Variants in SSH2 observed in about 807,000 individuals in gnomAD.
SSH2 encodes the protein slingshot protein phosphatase 2.
A neutral mutation model predicts 135.2 loss-of-function variants in SSH2; 37 were observed. That is an observed-to-expected ratio of 0.27 (90% CI 0.21 to 0.36). The LOEUF is 0.36. SSH2 is among the 10% of genes least tolerant of loss of function. SSH2 has a pLI of 1.00. For synonymous variants in SSH2, 628 were observed against 646.2 expected (o/e 0.97, Z 0.43); for missense variants, 1,408 against 1,765.3 (o/e 0.80, Z 3.63).
intron 3 of SSH2, among the ~76,000 whole-genome samples, chr17:29,780,216 C>A (rs965562377): frequency 6.6e-6 from 1 of 152,052 alleles, no homozygotes; most frequent in Non-Finnish European, 1.5e-5. Flanking sequence ...GACTCCATCT[C>A]AAACAGCAAC....
chr17:29,758,100 G>A (rs1307512872), intron 3 of SSH2, among the ~76,000 whole-genome samples: 4 of 152,012 alleles, frequency 2.6e-5, no homozygotes, highest in Non-Finnish European at 4.4e-5. Context: ...GGAAAATAGA[G>A]ACAAAAATAA....
At chr17:29,648,767 C>G (rs2036477339) in intron 13 of SSH2, among the ~76,000 whole-genome samples, 1 of 152,204 alleles carries the variant, frequency 6.6e-6, no homozygotes, top group Admixed American at 6.5e-5. Context: ...GAGGCTGAGG[C>G]AGGTGGATCA....
At chr17:29,929,775 C>G in intron 1 of SSH2, 163 bp downstream of exon 1, 1 of 633,570 alleles carries the variant, frequency 1.6e-6, no homozygotes, top group Non-Finnish European at 2.8e-6. Context: ...GTAGTTCCTG[C>G]TGCTAGTCTT....
intron 2 of SSH2, among the ~76,000 whole-genome samples, chr17:29,810,553 C>A (rs2151325608): frequency 6.6e-6 from 1 of 152,252 alleles, no homozygotes; most frequent in African/African-American, 2.4e-5. Flanking sequence ...ACTTAATTTT[C>A]TCCCCAAATA....
chr17:29,845,985 G>A (rs955967557), intron 2 of SSH2, among the ~76,000 whole-genome samples: 1 of 151,904 alleles, frequency 6.6e-6, no homozygotes, highest in African/African-American at 2.4e-5. Flanking sequence ...GACAAAATCA[G>A]TCGAAATAAT....
intron 3 of SSH2, among the ~76,000 whole-genome samples, chr17:29,735,050 C>T (rs1228053402): frequency 6.6e-6 from 1 of 152,086 alleles, no homozygotes; most frequent in South Asian, 2.1e-4. Context: ...GGGGTAAGGT[C>T]GTTAGATTCC....
At position 29,930,179 on chromosome 17, in the gene SSH2, A is replaced by G; in HGVS notation, c.-179T>C. ...CCCACCACCAGACTGTCGCCGACTG[A>G]CGCTCCGAACGGGCGGCGGGCGGGC... On this transcript the variant is annotated 5_prime_UTR_variant, in exon 1 of 16. Coordinates refer to ENST00000540801, the MANE Select transcript of SSH2 (RefSeq NM_001282129.2). 1.7e-6 allele frequency: 1 copy of G among 584,806 alleles called. No individual in the cohort carries two copies. The highest frequency in any genetic ancestry group is 2.9e-6 in the Non-Finnish European group (1 of 341,806). 36.2% of individuals were successfully genotyped at this position (584,806 alleles called of 1,614,324 possible).
intron 13 of SSH2, among the ~76,000 whole-genome samples, chr17:29,650,303 G>T (rs544466428): frequency 3.1e-4 from 47 of 152,262 alleles, no homozygotes; most frequent in African/African-American, 9.1e-4. Flanking sequence ...CTATCTATCT[G>T]AAATAATTTC....
rs548555974 is a variant in SSH2, at chr17:29,883,324, G to T, written c.64-34395C>A. ...ACATTTTCCAAATCCTATGTTAGGT[G>T]TCATTTTATTGAGTGCCCACTATGT... On this transcript the variant is annotated intron_variant, in intron 1 of 15. Coordinates refer to ENST00000540801, the MANE Select transcript of SSH2 (RefSeq NM_001282129.2). Among the ~76,000 whole-genome samples the T allele has an allele frequency of 5.3e-5, 8 of 152,196 alleles. No homozygotes were observed. In the South Asian group the frequency reaches 1.7e-3, roughly 32 times the overall value.
At chr17:29,761,277 T>C (rs1488500897) in intron 3 of SSH2, 2 of 1,287,052 alleles carry the variant, frequency 1.6e-6, no homozygotes, top group Admixed American at 2.3e-5. Context: ...CTCAGGGTCA[T>C]GGGGCCGGCT....
chr17:29,652,782 C>T (rs947415686), intron 12 of SSH2, among the ~76,000 whole-genome samples: 2 of 152,118 alleles, frequency 1.3e-5, no homozygotes, highest in East Asian at 1.9e-4. Context: ...CTCAGCCTCC[C>T]GAGTAGCTGG....
intron 6 of SSH2, among the ~76,000 whole-genome samples, chr17:29,684,048 ATAATGG>A: frequency 6.6e-6 from 1 of 152,346 alleles, no homozygotes; most frequent in Admixed American, 6.5e-5. Flanking sequence ...AAGGTATGGA[ATAATGG>A]TAAATTGGAA....
intron 2 of SSH2, among the ~76,000 whole-genome samples, chr17:29,804,913 C>T (rs924326548): frequency 7.4e-6 from 1 of 135,992 alleles, no homozygotes; most frequent in Admixed American, 8.1e-5. Context: ...AGGCTGGTCT[C>T]GAACTCTTGG....
intron 3 of SSH2, among the ~76,000 whole-genome samples, chr17:29,779,840 A>G (rs1352346021): frequency 6.8e-6 from 1 of 146,652 alleles, no homozygotes; most frequent in Admixed American, 6.8e-5. Flanking sequence ...AAAAAAAAAA[A>G]GATGAACAGC....
intron 12 of SSH2, among the ~76,000 whole-genome samples, chr17:29,652,848 C>A (rs2036632615): frequency 6.6e-6 from 1 of 152,058 alleles, no homozygotes; most frequent in Non-Finnish European, 1.5e-5. Flanking sequence ...AGTAGAGATG[C>A]TGTTTCACCG....
chr17:29,804,117 T>C lies in SSH2; in HGVS notation c.145-10180A>G, dbSNP rs558907466. ...AGAGATTCAATTTAATCATATTTTA[T>C]AGAGATATGACATGCATTAAAGTAA... On this transcript the variant is annotated intron_variant, in intron 2 of 15. Coordinates refer to ENST00000540801, the MANE Select transcript of SSH2 (RefSeq NM_001282129.2). Among the ~76,000 whole-genome samples the C allele has an allele frequency of 6.0e-4, 91 of 152,360 alleles. 1 individual carries two copies. Among genetic ancestry groups the C allele is most frequent in the African/African-American group, 2.1e-3 (87 of 41,588 alleles).
At chr17:29,749,979 A>G (rs976983411) in intron 3 of SSH2, among the ~76,000 whole-genome samples, 2 of 151,904 alleles carry the variant, frequency 1.3e-5, no homozygotes, top group Middle Eastern at 3.2e-3. Flanking sequence ...TGATCTGCTC[A>G]CCTTGGCCTC....
chr17:29,632,203 C>T lies in SSH2; in HGVS notation c.2991G>A (p.Glu997=), dbSNP rs753502397. 7 of 1,613,846 alleles carry T rather than the reference C, an allele frequency of 4.3e-6. 1 individual carries two copies. The highest frequency in any genetic ancestry group is 5.9e-6 in the Non-Finnish European group (7 of 1,179,956). ...GTGTTCCAGTATCTGACCCTGGGCC[C>T]TCCTGAGGATCTGGCAAGTGGTCAA... ...LEFDHLPDPQ[E]GPGSDTGTQQ... The change falls in exon 16 of 16, where the codon GAG becomes GAA. Residue 997 remains glutamate (E), a synonymous_variant. Transcript: ENST00000540801.
chr17:29,631,920 CCA>C lies in SSH2; in HGVS notation c.3272_3273del (p.Leu1091ArgfsTer21), dbSNP rs1342236076. The C allele has an allele frequency of 6.2e-7, 1 of 1,614,150 alleles. No individual in the cohort carries two copies. The highest frequency in any genetic ancestry group is 1.7e-5 in the Admixed American group (1 of 60,016). On this transcript the variant is annotated frameshift_variant, in exon 16 of 16. Coordinates refer to ENST00000540801, the MANE Select transcript of SSH2 (RefSeq NM_001282129.2). LOFTEE classifies it high-confidence loss of function. ...CTLDENLNRT[L>X]DPNQVSLHPQ... ...GGGTGCAGAGAAACCTGGTTGGGGT[CCA>C]GAGTCCTGTTTAGATTTTCATCCAG...
Sources: allele counts gnomAD v4.1 joint callset (sites outside exome capture counted in the v4.1 genomes callset), GRCh38; gene constraint gnomAD v4.1.1; transcripts MANE v1.5; gene names NCBI Gene and HGNC (gene_info 2026-07-23, HGNC 2026-07-21).